PCDHGA9: variants seen among roughly 807,000 people sequenced by gnomAD.
PCDHGA9 encodes protocadherin gamma subfamily A, 9, also known as protocadherin gamma-A9.
A neutral mutation model predicts 62.5 loss-of-function variants in PCDHGA9; 37 were observed. The ratio of observed to expected loss-of-function variants is 0.59; its 90% CI spans 0.46 to 0.78. The LOEUF is 0.78. Ranked by LOEUF, PCDHGA9 falls within the 30% of genes least tolerant of loss-of-function variation. The pLI is 0.00. For missense variants in PCDHGA9, 1,138 were observed against 1,166.2 expected (o/e 0.98, Z 0.35); for synonymous variants, 459 against 484.6 (o/e 0.95, Z 0.69).
At position 141,477,539 on chromosome 5, in the gene PCDHGA9, C is replaced by G; in HGVS notation, c.2425-17268C>G. 2 of 1,614,172 alleles carry G rather than the reference C, an allele frequency of 1.2e-6. No individual in the cohort carries two copies. The highest frequency in any genetic ancestry group is 1.7e-6 in the Non-Finnish European group (2 of 1,180,030). On this transcript the variant is annotated intron_variant, in intron 1 of 3. Transcript: ENST00000573521. The surrounding 1 kb of genome is among the most constrained non-coding windows in gnomAD (Gnocchi z 4.9). ...TGAAGAAAACAACCTCCCCGGGGCT[C>G]CAATACTAAACCTAAGTGTCTGGGA...
intron 2 of PCDHGA9, among the ~76,000 whole-genome samples, chr5:141,495,902 C>T (rs749735668): frequency 2.6e-5 from 4 of 152,120 alleles, no homozygotes; most frequent in Non-Finnish European, 2.9e-5. Context: ...TTGTCTCTGT[C>T]TCTGTATATC....
intron 1 of PCDHGA9, among the ~76,000 whole-genome samples, chr5:141,471,046 CTTTT>C (rs1170588345): frequency 5.3e-5 from 6 of 113,264 alleles, no homozygotes; most frequent in Admixed American, 9.3e-5. Context: ...CCCAAGCCCT[CTTTT>C]TTTTTTTTTT....
At chr5:141,492,962 C>A (rs1197532146) in intron 1 of PCDHGA9, among the ~76,000 whole-genome samples, 2 of 152,258 alleles carry the variant, frequency 1.3e-5, no homozygotes, top group African/African-American at 2.4e-5. Flanking sequence ...CTATCTGACA[C>A]TCTAACAAGT....
intron 2 of PCDHGA9, among the ~76,000 whole-genome samples, chr5:141,502,382 T>C (rs1668612742): frequency 1.3e-5 from 2 of 152,088 alleles, no homozygotes; most frequent in Non-Finnish European, 2.9e-5. Context: ...CCAGGCCAGT[T>C]GTACTTTAAA....
chr5:141,508,045 T>A (rs985875804), intron 3 of PCDHGA9: 1 of 152,264 alleles, frequency 6.6e-6, no homozygotes, highest in Non-Finnish European at 1.5e-5. Flanking sequence ...GCCAGCTGTG[T>A]TCCAGCTAAT....
chr5:141,422,030 C>G, intron 1 of PCDHGA9: 1 of 1,609,592 alleles, frequency 6.2e-7, no homozygotes, highest in African/African-American at 1.3e-5. Flanking sequence ...GTTAATGCAA[C>G]GGATCCAGAC....
At chr5:141,464,982 T>A (rs914697541) in intron 1 of PCDHGA9, among the ~76,000 whole-genome samples, 1 of 152,030 alleles carries the variant, frequency 6.6e-6, no homozygotes, top group Non-Finnish European at 1.5e-5. Context: ...CTTCAAGTGA[T>A]CCTCCCACCT....
chr5:141,409,238 G>A (rs2095245468), intron 1 of PCDHGA9: 1 of 1,614,002 alleles, frequency 6.2e-7, no homozygotes, highest in Non-Finnish European at 8.5e-7. Flanking sequence ...CAACAGCCCA[G>A]AAATAATCAT....
At chr5:141,502,484 G>A (rs962659219) in intron 2 of PCDHGA9, among the ~76,000 whole-genome samples, 1 of 152,000 alleles carries the variant, frequency 6.6e-6, no homozygotes. Context: ...CATCACACTG[G>A]GACTCATCTA....
At chr5:141,421,229 T>C (rs776952658) in intron 1 of PCDHGA9, 3 of 1,589,662 alleles carry the variant, frequency 1.9e-6, no homozygotes, top group South Asian at 1.1e-5. Flanking sequence ...GAGCCTGCCA[T>C]GGCGAATCGG....
intron 1 of PCDHGA9, chr5:141,410,735 T>A (rs2095420224): frequency 1.5e-6 from 2 of 1,336,188 alleles, no homozygotes; most frequent in East Asian, 4.7e-5. Context: ...CATAGCTTTT[T>A]ACAATATTTT....
intron 1 of PCDHGA9, chr5:141,414,982 G>A (rs1415279007): frequency 3.7e-6 from 6 of 1,613,712 alleles, no homozygotes; most frequent in Admixed American, 1.7e-5. Flanking sequence ...CAGAGACTCC[G>A]GCCAGAACGC....
intron 1 of PCDHGA9, chr5:141,423,323 C>T (rs200492485): frequency 6.2e-7 from 1 of 1,614,146 alleles, no homozygotes; most frequent in East Asian, 2.2e-5. Flanking sequence ...GTGGCGGTGG[C>T]CGCAGTCTCC....
chr5:141,443,457 G>C (rs977253701), intron 1 of PCDHGA9, among the ~76,000 whole-genome samples: 12 of 152,194 alleles, frequency 7.9e-5, no homozygotes, highest in Non-Finnish European at 1.3e-4. Flanking sequence ...CTGTACTCCA[G>C]TCTGGGTGAC....
rs182905441 is a variant in PCDHGA9, at chr5:141,450,871, C to A, written c.2425-43936C>A. Among the ~76,000 whole-genome samples, 581 of 149,672 alleles carry A rather than the reference C, an allele frequency of 3.9e-3. 6 individuals carry two copies. Among genetic ancestry groups the A allele is most frequent in the Admixed American group, 0.011 (168 of 14,998 alleles). ...ATGGGGTCTTGCTCTGTCACCCAGGCTGGTGTGCAGTGGTGCGATATCGGC... is the reference window on the plus strand; with the variant it reads ...ATGGGGTCTTGCTCTGTCACCCAGGATGGTGTGCAGTGGTGCGATATCGGC... On this transcript the variant is annotated intron_variant, in intron 1 of 3. Coordinates refer to ENST00000573521, the MANE Select transcript of PCDHGA9 (RefSeq NM_018921.3).
intron 1 of PCDHGA9, among the ~76,000 whole-genome samples, chr5:141,472,815 C>T (rs1562036829): frequency 1.3e-5 from 2 of 151,596 alleles, no homozygotes; most frequent in East Asian, 1.9e-4. Flanking sequence ...GAGAAACCCC[C>T]GTCTCTACTA....
intron 2 of PCDHGA9, among the ~76,000 whole-genome samples, chr5:141,496,505 A>G (rs1166234572): frequency 1.3e-5 from 2 of 152,144 alleles, no homozygotes; most frequent in Non-Finnish European, 2.9e-5. Flanking sequence ...TGTTGCCACA[A>G]GGACCCAGGA....
intron 1 of PCDHGA9, among the ~76,000 whole-genome samples, chr5:141,445,871 T>C (rs1318495005): frequency 6.6e-6 from 1 of 152,198 alleles, no homozygotes; most frequent in Non-Finnish European, 1.5e-5. Context: ...TTGTTCTAAA[T>C]ACCCTTGTAC....
intron 1 of PCDHGA9, among the ~76,000 whole-genome samples, chr5:141,435,619 T>A (rs2097772280): frequency 6.6e-6 from 1 of 152,190 alleles, no homozygotes; most frequent in Non-Finnish European, 1.5e-5. Context: ...AAATTCCCCA[T>A]AACTTTTACA....
Sources: allele counts gnomAD v4.1 joint callset (sites outside exome capture counted in the v4.1 genomes callset), GRCh38; gene constraint gnomAD v4.1.1; non-coding constraint Gnocchi (gnomAD v3.1); transcripts MANE v1.5; gene names NCBI Gene and HGNC (gene_info 2026-07-23, HGNC 2026-07-21).